PIP5K1A: variants seen among roughly 807,000 people sequenced by gnomAD.
The protein encoded by PIP5K1A is phosphatidylinositol-4-phosphate 5-kinase type 1 alpha, also known as phosphatidylinositol 4-phosphate 5-kinase type-1 alpha.
In PIP5K1A, 46 loss-of-function variants were observed where a neutral mutation model predicts 72.9. The observed-to-expected ratio is 0.63, with a 90% CI of 0.50 to 0.81. The LOEUF is 0.81. Among genes scored for constraint, PIP5K1A ranks in the 30% least tolerant of loss-of-function variants. The pLI is 0.00. For missense variants in PIP5K1A, 458 were observed against 706.1 expected (o/e 0.65, Z 3.98); for synonymous variants, 228 against 255.1 (o/e 0.89, Z 1.01).
intron 1 of PIP5K1A, among the ~76,000 whole-genome samples, chr1:151,219,858 T>G (rs1235011887): frequency 6.8e-6 from 1 of 146,284 alleles, no homozygotes; most frequent in African/African-American, 2.5e-5. Flanking sequence ...TTCCTTTTTT[T>G]TTTTTTTTTT....
At chr1:151,217,069 C>A (rs993202468) in intron 1 of PIP5K1A, among the ~76,000 whole-genome samples, 2 of 152,074 alleles carry the variant, frequency 1.3e-5, no homozygotes, top group Non-Finnish European at 2.9e-5. Context: ...CGTGCCACTA[C>A]ACCCAGCTAA....
chr1:151,243,308 T>A (rs1692036622), intron 14 of PIP5K1A, among the ~76,000 whole-genome samples: 1 of 152,198 alleles, frequency 6.6e-6, no homozygotes, highest in Non-Finnish European at 1.5e-5. Context: ...CTAAATTAGG[T>A]CCGGTTGGAT....
rs78510718 is a variant in PIP5K1A, at chr1:151,249,303, T to C, written c.*1438T>C. ...GGAAAGAATTCTTGCTATTTTTTTT[T>C]CATAATTTACTATTTATGATGTATT... is the stretch of plus-strand genomic sequence containing the variant. On this transcript the variant is annotated 3_prime_UTR_variant, in exon 16 of 16. Coordinates refer to ENST00000368888, the MANE Select transcript of PIP5K1A (RefSeq NM_001135638.2). 1 of 152,174 alleles carries C rather than the reference T, an allele frequency of 6.6e-6. No homozygotes were observed. Among genetic ancestry groups the C allele is most frequent in the African/African-American group, 2.4e-5 (1 of 41,438 alleles). The allele number at this position is 152,174 out of a possible 1,614,324, so 9.4% of individuals were successfully genotyped here.
intron 10 of PIP5K1A, chr1:151,238,568 T>C (rs767835559): frequency 5.8e-6 from 2 of 347,306 alleles, no homozygotes; most frequent in South Asian, 3.0e-5. Flanking sequence ...CAAAAACCTA[T>C]GAGATGAGTC....
chr1:151,226,879 T>G (rs1380143688), intron 3 of PIP5K1A, among the ~76,000 whole-genome samples: 1 of 151,146 alleles, frequency 6.6e-6, no homozygotes, highest in African/African-American at 2.4e-5. Flanking sequence ...ATACAAAAAT[T>G]AGTCAGGTGT....
chr1:151,215,936 G>T, intron 1 of PIP5K1A: 1 of 1,291,738 alleles, frequency 7.7e-7, no homozygotes, highest in East Asian at 5.6e-5. Flanking sequence ...AGGAGTAAGG[G>T]GTAACTTTCT....
chr1:151,204,553 C>T (rs766134378), intron 1 of PIP5K1A, among the ~76,000 whole-genome samples: 1 of 152,154 alleles, frequency 6.6e-6, no homozygotes, highest in Non-Finnish European at 1.5e-5. Flanking sequence ...CCTAGTTCTT[C>T]CTCTTAGTGA....
rs745706973 is a variant in PIP5K1A at position 151,238,254 on chromosome 1, A to G, written c.1218A>G (p.Leu406=). ...LLLYIGIIDI[L]QSYRFVKKLE... is the part of the protein sequence containing the mutation. ...TTTATATTGGCATCATTGACATTCT[A>G]CAGTCTTACAGGTGAGGAGCATATG... is the stretch of plus-strand genomic sequence containing the variant. The change falls in exon 10 of 16, where the codon CTA becomes CTG. Residue 406 remains leucine, a synonymous_variant. Coordinates refer to ENST00000368888, the MANE Select transcript of PIP5K1A (RefSeq NM_001135638.2). 4.6e-5 allele frequency: 73 copies of G among 1,603,860 alleles called. No individual in the cohort carries two copies. The highest frequency in any genetic ancestry group is 6.7e-5 in the Admixed American group (4 of 59,992).
chr1:151,234,439 T>C lies in PIP5K1A; in HGVS notation c.882T>C (p.Leu294=), dbSNP rs1558286512. 6.2e-7 allele frequency: 1 copy of C among 1,614,122 alleles called. No individual in the cohort carries two copies. The highest frequency in any genetic ancestry group is 8.5e-7 in the Non-Finnish European group (1 of 1,179,948). The change falls in exon 8 of 16, where the codon CTT becomes CTC. Residue 294 remains leucine, a synonymous_variant. Transcript: ENST00000368888. ...LDFLQDIPDG[L]FLDADMYNAL... ...TCTTACAAGACATCCCTGATGGTCTTTTTTTGGATGCTGACATGTACAACG... is the reference window on the plus strand; with the variant it reads ...TCTTACAAGACATCCCTGATGGTCTCTTTTTGGATGCTGACATGTACAACG...
At chr1:151,242,686 A>C in intron 14 of PIP5K1A, 119 bp downstream of exon 14, 2 of 893,690 alleles carry the variant, frequency 2.2e-6, no homozygotes, top group Non-Finnish European at 3.5e-6. Flanking sequence ...TTAAAATAAC[A>C]AACATATATC....
intron 1 of PIP5K1A, among the ~76,000 whole-genome samples, chr1:151,222,091 G>A (rs1408281014): frequency 6.6e-6 from 1 of 151,886 alleles, no homozygotes; most frequent in African/African-American, 2.4e-5. Context: ...TGTCTCAAAG[G>A]GAAAAAAAAT....
chr1:151,245,041 G>T (rs1240666617), intron 14 of PIP5K1A, among the ~76,000 whole-genome samples: 1 of 151,092 alleles, frequency 6.6e-6, no homozygotes, highest in African/African-American at 2.4e-5. Flanking sequence ...TATGTGGCCT[G>T]CCATTTCTTA....
intron 7 of PIP5K1A, among the ~76,000 whole-genome samples, chr1:151,233,115 A>AT (rs1467510129): frequency 6.6e-6 from 1 of 151,024 alleles, no homozygotes; most frequent in Non-Finnish European, 1.5e-5. Context: ...AAAAAAAAAA[A>AT]AAATGTTGTT....
At position 151,227,377 on chromosome 1, in the gene PIP5K1A, T is replaced by G; in HGVS notation, c.214T>G (p.Ser72Ala). The G allele has an allele frequency of 6.2e-7, 1 of 1,612,058 alleles. No individual in the cohort carries two copies. The highest frequency in any genetic ancestry group is 8.5e-7 in the Non-Finnish European group (1 of 1,178,180). The change falls in exon 4 of 16, where the codon TCA becomes GCA. Residue 72 changes from serine to alanine, a missense_variant. Physicochemically the swap from Ser to Ala is moderately conservative, Grantham distance 99. Around this residue, in one of 3 missense-constraint regions of PIP5K1A, gnomAD observed 81 missense variants for 88.0 expected, o/e 0.92. Transcript: ENST00000368888. ...KKIGHRSVDSSGETTYKKTTS... is the reference protein window; with the variant it reads ...KKIGHRSVDSAGETTYKKTTS... ...AATAGGCCATAGAAGTGTTGATTCC[T>G]CAGGAGAGACAACATATAAAAAGGT...
intron 1 of PIP5K1A, among the ~76,000 whole-genome samples, chr1:151,203,791 T>A (rs1432816972): frequency 6.8e-6 from 1 of 148,050 alleles, no homozygotes; most frequent in African/African-American, 2.5e-5. Context: ...GCCACTGTAC[T>A]CCATCCTGGA....
Position 151,248,815 on chromosome 1 carries a change from T to C in PIP5K1A, c.*950T>C, listed in dbSNP as rs1692830522. ...ATTTTAGATCATTCTCCAGAGGAGA[T>C]TTTTTTTGCTCTTCTCATCTTTTCC... On this transcript the variant is annotated 3_prime_UTR_variant, in exon 16 of 16. Coordinates refer to ENST00000368888, the MANE Select transcript of PIP5K1A (RefSeq NM_001135638.2). The C allele has an allele frequency of 1.3e-5, 2 of 152,494 alleles. No individual in the cohort carries two copies. Among genetic ancestry groups the C allele is most frequent in the East Asian group, 1.9e-4 (1 of 5,186 alleles). 9.4% of individuals were successfully genotyped at this position (152,494 alleles called of 1,614,324 possible).
intron 1 of PIP5K1A, among the ~76,000 whole-genome samples, chr1:151,219,255 C>G (rs1009761531): frequency 6.6e-6 from 1 of 151,898 alleles, no homozygotes; most frequent in Admixed American, 6.6e-5. Context: ...GTGGTGCACA[C>G]CCGTAATCCT....
chr1:151,203,454 G>C (rs751498200), intron 1 of PIP5K1A, among the ~76,000 whole-genome samples: 7 of 149,038 alleles, frequency 4.7e-5, no homozygotes. Context: ...GCTTGAACCC[G>C]GGGGACAGAG....
chr1:151,244,940 T>TA (rs1692280424), intron 14 of PIP5K1A, among the ~76,000 whole-genome samples: 1 of 151,482 alleles, frequency 6.6e-6, no homozygotes, highest in Non-Finnish European at 1.5e-5. Context: ...AAAAGCCTTT[T>TA]TTTTTTTTTT....
Sources: allele counts gnomAD v4.1 joint callset (sites outside exome capture counted in the v4.1 genomes callset), GRCh38; gene constraint gnomAD v4.1.1; regional missense constraint gnomAD v4.1.1; transcripts MANE v1.5; gene names NCBI Gene and HGNC (gene_info 2026-07-23, HGNC 2026-07-21).